NDUFB4: variants seen among roughly 807,000 people sequenced by gnomAD.
The protein encoded by NDUFB4 is NADH dehydrogenase [ubiquinone] 1 beta subcomplex subunit 4.
A neutral mutation model predicts 14.5 loss-of-function variants in NDUFB4; 10 were observed. The observed-to-expected ratio is 0.69, with a 90% confidence interval of 0.43 to 1.17. The LOEUF is 1.17. Ranked by LOEUF, NDUFB4 falls within the 50% of genes most tolerant of loss-of-function variation. NDUFB4 has a pLI of 0.00. For synonymous variants in NDUFB4, 65 were observed against 63.4 expected (o/e 1.03, Z -0.12); for missense variants, 165 against 161.1 (o/e 1.02, Z -0.13).
rs368758540 is a variant in NDUFB4, at chr3:120,596,451, G to T, written c.92G>T (p.Arg31Leu). 1.2e-6 allele frequency: 2 copies of T among 1,613,952 alleles called. No individual in the cohort carries two copies. The highest frequency in any genetic ancestry group is 1.7e-5 in the Admixed American group (1 of 59,998). Residue 31 changes from arginine to leucine, a missense_variant, in exon 1 of 3, where the codon CGG (arginine) becomes CTG (leucine). Transcript: ENST00000184266. ...AEYNISPETR[R>L]AQAERLAIRA... ...TACAACATATCTCCGGAAACCCGGCGGGCGCAAGCCGAGCGGTTGGCCATA... is the reference window on the plus strand; with the variant it reads ...TACAACATATCTCCGGAAACCCGGCTGGCGCAAGCCGAGCGGTTGGCCATA...
In NDUFB4 at chr3:120,602,306, A is replaced by G. The variant is rs538974244; in HGVS notation, c.*36A>G. The G allele has an allele frequency of 1.3e-6, 2 of 1,521,392 alleles. No individual in the cohort carries two copies. Among genetic ancestry groups the G allele is most frequent in the Non-Finnish European group, 1.8e-6 (2 of 1,110,904 alleles). The allele number at this position is 1,521,392 out of a possible 1,614,324, so 94.2% of individuals were successfully genotyped here. ...GATGACTATATGTATTCCTGCCTAA[A>G]TAAATCATCTATTAATCATTAAGTA... On this transcript the variant is annotated 3_prime_UTR_variant, in exon 3 of 3. Coordinates refer to ENST00000184266, the MANE Select transcript of NDUFB4 (RefSeq NM_004547.6).
rs1333589888 is a variant in NDUFB4 at position 120,596,408 on chromosome 3, A to G, written c.49A>G (p.Thr17Ala). The change falls in exon 1 of 3, where the codon ACC (threonine) becomes GCC (alanine). Residue 17 changes from threonine to alanine, a missense_variant. By Grantham distance (58) the Thr-to-Ala change is moderately conservative (BLOSUM62 0). Transcript: ENST00000184266. ...KPSSLRTLPE[T>A]LDPAEYNISP... ...GTCGAGCCTGCGCACTCTGCCTGAG[A>G]CCCTCGACCCAGCCGAATACAACAT... 6.2e-7 allele frequency: 1 copy of G among 1,614,102 alleles called. No homozygotes were observed. Among genetic ancestry groups the G allele is most frequent in the East Asian group, 2.2e-5 (1 of 44,872 alleles).
In NDUFB4 at chr3:120,601,254, G is replaced by A. The variant is rs771640226; in HGVS notation, c.324G>A (p.Glu108=). ...LIFIYYIIKT[E]RDRKEKLIQE... is the part of the protein sequence containing the mutation. ...TCATTTATTATATTATCAAAACTGA[G>A]AGGGTAAGTATTCAGACCAGATGTT... The change falls in exon 2 of 3, where the codon GAG becomes GAA. Residue 108 remains glutamate, a synonymous_variant. Transcript: ENST00000184266. The A allele has an allele frequency of 6.2e-7, 1 of 1,613,966 alleles. No individual in the cohort carries two copies. Among genetic ancestry groups the A allele is most frequent in the African/African-American group, 1.3e-5 (1 of 74,906 alleles).
chr3:120,601,196 T>C lies in NDUFB4; in HGVS notation c.266T>C (p.Met89Thr), dbSNP rs1940053488. ...NFRPTPKNSL[M>T]GALCGFGPLI... ...AGACCCACTCCTAAAAACTCACTCA[T>C]GGGAGCTCTGTGTGGATTTGGGCCC... is the stretch of plus-strand genomic sequence containing the variant. Residue 89 changes from methionine to threonine, a missense_variant, in exon 2 of 3, where the codon ATG becomes ACG. Met to Thr is a moderately conservative substitution (Grantham distance 81). Transcript: ENST00000184266. The C allele has an allele frequency of 6.2e-7, 1 of 1,613,982 alleles. No homozygotes were observed. Among genetic ancestry groups the C allele is most frequent in the Admixed American group, 1.7e-5 (1 of 60,000 alleles).
At position 120,596,515 on chromosome 3, in the gene NDUFB4, C is replaced by T; in HGVS notation, c.156C>T (p.Asn52=). 6.2e-7 allele frequency: 1 copy of T among 1,613,708 alleles called. No homozygotes were observed. Among genetic ancestry groups the T allele is most frequent in the Non-Finnish European group, 8.5e-7 (1 of 1,179,804 alleles). ...AACGAGAGTACCTGCTTCAGTACAA[C>T]GATCCCAACCGCCGAGGGCTCATCG... ...QLKREYLLQY[N]DPNRRGLIEN... The change falls in exon 1 of 3, where the codon AAC becomes AAT. Residue 52 remains asparagine (N), a synonymous_variant. Coordinates refer to ENST00000184266, the MANE Select transcript of NDUFB4 (RefSeq NM_004547.6).
chr3:120,597,589 A>G (rs148357944), intron 1 of NDUFB4, among the ~76,000 whole-genome samples: 100 of 152,362 alleles, frequency 6.6e-4, no homozygotes, highest in African/African-American at 2.2e-3. Context: ...ACATATCACA[A>G]CTATTTGGAT....
rs1179938380 is a variant in NDUFB4 at position 120,602,487 on chromosome 3, A to T, written c.*217A>T. On this transcript the variant is annotated 3_prime_UTR_variant, in exon 3 of 3. Transcript: ENST00000184266. Reference sequence around the variant, plus strand: ...AATGAATGAACATAAACTTCATTAAACTGTGAGCTCTTAGAAAGTACAGAT... The same window carrying T: ...AATGAATGAACATAAACTTCATTAATCTGTGAGCTCTTAGAAAGTACAGAT... 2.0e-6 allele frequency: 1 copy of T among 503,664 alleles called. No homozygotes were observed. The highest frequency in any genetic ancestry group is 3.0e-5 in the South Asian group (1 of 33,598). 31.2% of individuals were successfully genotyped at this position (503,664 alleles called of 1,614,324 possible).
chr3:120,600,701 T>C (rs1306470044), intron 1 of NDUFB4, among the ~76,000 whole-genome samples: 2 of 152,350 alleles, frequency 1.3e-5, no homozygotes, highest in East Asian at 3.9e-4. Flanking sequence ...ATATGAAATC[T>C]GTTTCTCTTC....
intron 2 of NDUFB4, 27 bp from the exon 3 acceptor site, chr3:120,602,181 T>A: frequency 6.2e-7 from 1 of 1,600,624 alleles, no homozygotes; most frequent in Non-Finnish European, 8.5e-7. Context: ...ATATTGTCTT[T>A]AATGTACTTT....
At chr3:120,598,888 A>AT (rs1940010428) in intron 1 of NDUFB4, among the ~76,000 whole-genome samples, 1 of 152,124 alleles carries the variant, frequency 6.6e-6, no homozygotes, top group African/African-American at 2.4e-5. Flanking sequence ...TGAATAGAGA[A>AT]TTTCGTGATC....
Position 120,596,544 on chromosome 3 carries a change from G to C in NDUFB4, c.180+5G>C. ...CCCAACCGCCGAGGGCTCATCGTGAGTGTGGGGCCTCCCAGGCGGGAATAG... is the reference window on the plus strand; with the variant it reads ...CCCAACCGCCGAGGGCTCATCGTGACTGTGGGGCCTCCCAGGCGGGAATAG... On this transcript the variant is annotated splice_donor_5th_base_variant and intron_variant, in intron 1 of 2. Coordinates refer to ENST00000184266, the MANE Select transcript of NDUFB4 (RefSeq NM_004547.6). 1 of 1,613,176 alleles carries C rather than the reference G, an allele frequency of 6.2e-7. No homozygotes were observed. Among genetic ancestry groups the C allele is most frequent in the Non-Finnish European group, 8.5e-7 (1 of 1,179,564 alleles).
At chr3:120,596,601 C>T in intron 1 of NDUFB4, 62 bp downstream of exon 1, 1 of 1,555,728 alleles carries the variant, frequency 6.4e-7, no homozygotes, top group Non-Finnish European at 8.8e-7. Context: ...CGAGAGAGAC[C>T]ACGCAAAGGG....
intron 1 of NDUFB4, chr3:120,600,886 A>G (rs1255975382): frequency 3.9e-6 from 2 of 506,532 alleles, no homozygotes; most frequent in East Asian, 3.6e-5. Context: ...CTAATTAGTG[A>G]TATGAGCCTT....
chr3:120,600,812 C>T (rs1405948914), intron 1 of NDUFB4: 1 of 306,464 alleles, frequency 3.3e-6, no homozygotes. Flanking sequence ...AAAGTGGCTT[C>T]TCTGACAGTT....
At chr3:120,596,630 C>A in intron 1 of NDUFB4, 91 bp downstream of exon 1, 2 of 1,379,790 alleles carry the variant, frequency 1.4e-6, no homozygotes, top group East Asian at 2.5e-5. Flanking sequence ...CGCTCCCGAT[C>A]AGTATCTCAG....
intron 1 of NDUFB4, among the ~76,000 whole-genome samples, chr3:120,600,413 T>C (rs151130923): frequency 1.3e-5 from 2 of 152,178 alleles, no homozygotes; most frequent in South Asian, 4.1e-4. Context: ...TTGCTATTCA[T>C]GGATAGTTAT....
intron 2 of NDUFB4, chr3:120,601,777 G>A (rs1576273174): frequency 8.8e-6 from 9 of 1,017,060 alleles, no homozygotes; most frequent in South Asian, 4.1e-5. Context: ...GAGCCCACTC[G>A]TCTAGCTTTG....
At chr3:120,601,893 T>A in intron 2 of NDUFB4, 1 of 1,074,556 alleles carries the variant, frequency 9.3e-7, no homozygotes, top group Non-Finnish European at 1.1e-6. Flanking sequence ...AGAAAGTGTT[T>A]GCATTTTGCT....
chr3:120,601,257 G>A lies in NDUFB4; in HGVS notation c.327G>A (p.Arg109=), dbSNP rs760714136. 12 of 1,613,792 alleles carry A rather than the reference G, an allele frequency of 7.4e-6. No homozygotes were observed. In the East Asian group the frequency reaches 8.9e-5, roughly 12 times the overall value. ...IFIYYIIKTE[R]DRKEKLIQEG... ...TTTATTATATTATCAAAACTGAGAG[G>A]GTAAGTATTCAGACCAGATGTTTAG... is the stretch of plus-strand genomic sequence containing the variant. Residue 109 remains arginine (R), a splice_region_variant and synonymous_variant, in exon 2 of 3, where the codon AGG becomes AGA. Transcript: ENST00000184266.
Sources: allele counts gnomAD v4.1 joint callset (sites outside exome capture counted in the v4.1 genomes callset), GRCh38; gene constraint gnomAD v4.1.1; transcripts MANE v1.5; gene names NCBI Gene and HGNC (gene_info 2026-07-23, HGNC 2026-07-21).